Variants in TMEM135 observed in about 807,000 individuals in gnomAD.
TMEM135 encodes transmembrane protein 135, also known as peroxisomal membrane protein 52.
TMEM135 carries 30 observed loss-of-function variants against 60.3 expected under a neutral mutation model. The ratio of observed to expected loss-of-function variants is 0.50; its 90% confidence interval spans 0.37 to 0.68. TMEM135 has a LOEUF of 0.68. Ranked by LOEUF, TMEM135 falls within the 30% of genes least tolerant of loss-of-function variation. TMEM135 has a pLI of 0.00. For synonymous variants in TMEM135, 190 were observed against 186.7 expected (o/e 1.02, Z -0.14); for missense variants, 468 against 548.8 (o/e 0.85, Z 1.47).
At chr11:87,308,089 T>A (rs1335794718) in intron 9 of TMEM135, among the ~76,000 whole-genome samples, 1 of 152,216 alleles carries the variant, frequency 6.6e-6, no homozygotes, top group Non-Finnish European at 1.5e-5. Flanking sequence ...TATTATAATC[T>A]TTTGTATTTG....
intron 5 of TMEM135, among the ~76,000 whole-genome samples, chr11:87,221,637 AAG>A (rs1177067909): frequency 8.5e-5 from 13 of 152,218 alleles, no homozygotes; most frequent in Non-Finnish European, 4.4e-5. Context: ...TACAAAATAA[AAG>A]AGAGATTTCC....
At chr11:87,055,560 C>T (rs1370586646) in intron 1 of TMEM135, among the ~76,000 whole-genome samples, 1 of 150,482 alleles carries the variant, frequency 6.6e-6, no homozygotes, top group African/African-American at 2.4e-5. Flanking sequence ...GGATTTTTTT[C>T]GACAAAATTG....
In TMEM135 at chr11:87,134,166, G is replaced by T. The variant is rs546216230; in HGVS notation, c.397-23175G>T. 1.3e-4 allele frequency among the ~76,000 whole-genome samples: 20 copies of T among 152,056 alleles called. No homozygotes were observed. The East Asian group carries it at 1.7e-3, about 13-fold the overall frequency. On this transcript the variant is annotated intron_variant, in intron 4 of 14. Transcript: ENST00000305494. ...TGGGATCAAGGCGTTGGCAAGGTTG[G>T]TTTTTTCTGAGGCCTCTTTCCTTAG...
chr11:87,112,946 A>G (rs1266527042), intron 4 of TMEM135, among the ~76,000 whole-genome samples: 1 of 152,092 alleles, frequency 6.6e-6, no homozygotes. Context: ...GCCTAGATGT[A>G]TCCTATAATG....
chr11:87,138,383 G>A (rs574090037), intron 4 of TMEM135, among the ~76,000 whole-genome samples: 17 of 152,216 alleles, frequency 1.1e-4, no homozygotes, highest in Admixed American at 7.8e-4. Context: ...GAGCCACTGC[G>A]CCCAGCTCCA....
intron 6 of TMEM135, 129 bp downstream of exon 6, chr11:87,236,813 G>A (rs958172167): frequency 2.1e-5 from 17 of 820,608 alleles, no homozygotes; most frequent in South Asian, 7.2e-5. Context: ...CCGCACCCCC[G>A]CCCAGAGTGG....
intron 3 of TMEM135, among the ~76,000 whole-genome samples, chr11:87,087,542 T>G (rs1475104614): frequency 6.6e-6 from 1 of 152,150 alleles, no homozygotes; most frequent in Non-Finnish European, 1.5e-5. Flanking sequence ...GTATGATAAG[T>G]TTTGAAACTT....
chr11:87,052,940 T>C (rs1949851780), intron 1 of TMEM135, among the ~76,000 whole-genome samples: 1 of 83,666 alleles, frequency 1.2e-5, no homozygotes, highest in Non-Finnish European at 2.3e-5. Flanking sequence ...ATAGACTGGA[T>C]TAAGAAAATG....
intron 5 of TMEM135, among the ~76,000 whole-genome samples, chr11:87,230,575 AT>A (rs1940869738): frequency 1.3e-5 from 2 of 152,174 alleles, no homozygotes; most frequent in Admixed American, 6.5e-5. Context: ...TGATATGATC[AT>A]TGATTTTTTG....
chr11:87,110,460 TA>T (rs111655148), intron 4 of TMEM135, among the ~76,000 whole-genome samples: 20,398 of 149,264 alleles, frequency 0.14, 1,501 homozygotes, highest in African/African-American at 0.2. Flanking sequence ...TCTTTGAATT[TA>T]AAAAAAAAAA....
chr11:87,095,190 G>A (rs959009068), intron 4 of TMEM135: 2 of 178,814 alleles, frequency 1.1e-5, no homozygotes, highest in Non-Finnish European at 2.5e-5. Context: ...TCCATGGATG[G>A]ATTTCTTCAG....
At chr11:87,256,688 T>C (rs943366548) in intron 6 of TMEM135, among the ~76,000 whole-genome samples, 18 of 152,190 alleles carry the variant, frequency 1.2e-4, no homozygotes, top group African/African-American at 4.1e-4. Context: ...CTTTTGCTCA[T>C]TGTGGAAAAA....
intron 4 of TMEM135, among the ~76,000 whole-genome samples, chr11:87,144,419 T>C: frequency 6.6e-6 from 1 of 152,204 alleles, no homozygotes. Flanking sequence ...CCATAGACAA[T>C]AGGTAAACAA....
At chr11:87,153,516 C>G (rs1938612590) in intron 4 of TMEM135, among the ~76,000 whole-genome samples, 1 of 152,160 alleles carries the variant, frequency 6.6e-6, no homozygotes, top group Non-Finnish European at 1.5e-5. Flanking sequence ...CACTTAGTTT[C>G]CATTCAAATT....
chr11:87,197,137 G>A (rs1438475889), intron 5 of TMEM135, among the ~76,000 whole-genome samples: 1 of 152,024 alleles, frequency 6.6e-6, no homozygotes, highest in African/African-American at 2.4e-5. Flanking sequence ...CAAGATGTCT[G>A]TACTAGGTTT....
intron 5 of TMEM135, among the ~76,000 whole-genome samples, chr11:87,202,846 C>T (rs1940146562): frequency 6.6e-6 from 1 of 150,674 alleles, no homozygotes; most frequent in Non-Finnish European, 1.5e-5. Context: ...TCCTGGCTAA[C>T]ACGGTGAAAC....
intron 6 of TMEM135, among the ~76,000 whole-genome samples, chr11:87,281,494 A>T (rs1401521491): frequency 6.6e-6 from 1 of 152,242 alleles, no homozygotes; most frequent in Non-Finnish European, 1.5e-5. Flanking sequence ...TCACACTTAA[A>T]GTGAAAAAAG....
intron 6 of TMEM135, among the ~76,000 whole-genome samples, chr11:87,276,512 AT>A (rs1941968391): frequency 1.3e-5 from 2 of 151,638 alleles, no homozygotes; most frequent in Non-Finnish European, 2.9e-5. Flanking sequence ...GTTTATATAT[AT>A]ATATATATAC....
At chr11:87,286,433 C>G (rs368201153) in intron 6 of TMEM135, among the ~76,000 whole-genome samples, 1 of 152,264 alleles carries the variant, frequency 6.6e-6, no homozygotes, top group Admixed American at 6.5e-5. Context: ...AGTCCCCACC[C>G]GACTCAGGAG....
Sources: gnomAD v4.1 joint callset for allele counts (sites outside exome capture counted in the v4.1 genomes callset) on GRCh38, gnomAD v4.1.1 for gene constraint, MANE v1.5 for transcripts, NCBI Gene and HGNC (gene_info 2026-07-23, HGNC 2026-07-21) for gene names.